The following JAKMIP1 variants were observed in gnomAD, a reference collection of about 807,000 sequenced individuals.
JAKMIP1 encodes the protein janus kinase and microtubule-interacting protein 1.
A neutral mutation model predicts 113.0 loss-of-function variants in JAKMIP1; 33 were observed. That is an observed-to-expected ratio of 0.29 (90% CI 0.22 to 0.39). The LOEUF (loss-of-function observed/expected upper bound fraction) is 0.39. Ranked by LOEUF, JAKMIP1 falls within the 10% of genes least tolerant of loss-of-function variation. The pLI is 1.00. For missense variants in JAKMIP1, 813 were observed against 1,080.5 expected, an observed-to-expected ratio of 0.75 and a Z score of 3.47; for synonymous variants, 480 against 459.9, an observed-to-expected ratio of 1.04 and a Z score of -0.56.
chr4:6,142,900 C>G lies in JAKMIP1; in HGVS notation c.-147-29903G>C, dbSNP rs1406198607. Among the ~76,000 whole-genome samples the G allele has an allele frequency of 6.6e-6, 1 of 152,182 alleles. No homozygotes were observed. Among genetic ancestry groups the G allele is most frequent in the Non-Finnish European group, 1.5e-5 (1 of 68,040 alleles). On this transcript the variant is annotated intron_variant, in intron 1 of 20. Transcript: ENST00000409021. This position sits in a 1 kb window ranked among gnomAD's most constrained non-coding sequence, Gnocchi z 5.5. ...GGGACATGGCCGGCAATGACAAAGCCCAGCCTGGAGTCCTGAGGCCCCTCA... is the reference window on the plus strand; with the variant it reads ...GGGACATGGCCGGCAATGACAAAGCGCAGCCTGGAGTCCTGAGGCCCCTCA...
chr4:6,170,365 CTCTATCACCACCATCACCACCACCACT>C (rs1367073335), intron 1 of JAKMIP1, among the ~76,000 whole-genome samples: 1 of 149,136 alleles, frequency 6.7e-6, no homozygotes, highest in Non-Finnish European at 1.5e-5. Context: ...CCACCACCAC[CTCTATCACCACCATCACCACCACCACT>C]ACCTCTATCA....
chr4:6,054,514 C>G (rs1236788862), intron 12 of JAKMIP1, among the ~76,000 whole-genome samples: 3 of 152,206 alleles, frequency 2.0e-5, no homozygotes, highest in African/African-American at 7.2e-5. Context: ...GTGCCACACC[C>G]AAAGCCTGTC....
At chr4:6,078,629 T>C (rs1262783155) in intron 8 of JAKMIP1, among the ~76,000 whole-genome samples, 1 of 152,198 alleles carries the variant, frequency 6.6e-6, no homozygotes, top group Non-Finnish European at 1.5e-5. Context: ...CAACCCTGAA[T>C]GTCCCTTAAA....
At position 6,140,858 on chromosome 4, in the gene JAKMIP1, T is replaced by A. The variant is rs1720039738; in HGVS notation, c.-147-27861A>T. Among the ~76,000 whole-genome samples the A allele has an allele frequency of 6.6e-6, 1 of 152,154 alleles. No individual in the cohort carries two copies. Among genetic ancestry groups the A allele is most frequent in the African/African-American group, 2.4e-5 (1 of 41,422 alleles). ...GTCAGCCACAGGCACTGGTTGGAGC[T>A]CATCTGTCCTCAGCACAGTGCCTGG... On this transcript the variant is annotated intron_variant, in intron 1 of 20. Coordinates refer to ENST00000409021, the MANE Select transcript of JAKMIP1 (RefSeq NM_001099433.2). This position sits in a 1 kb window ranked among gnomAD's most constrained non-coding sequence, Gnocchi z 9.4.
In JAKMIP1 at chr4:6,035,888, C is replaced by T. The variant is rs143216468; in HGVS notation, c.2379+16G>A. 1,373 of 1,541,894 alleles carry T rather than the reference C, an allele frequency of 8.9e-4. 1 individual carries two copies. The highest frequency in any genetic ancestry group is 2.2e-3 in the Middle Eastern group (11 of 5,094). ...GGTGCCGGGGTGCTGTGGGCACAGC[C>T]GCTGTTGCCGCCTACCTGCTGGGCC... is the stretch of plus-strand genomic sequence containing the variant. On this transcript the variant is annotated intron_variant, in intron 19 of 20. Transcript: ENST00000409021.
At chr4:6,054,179 A>G (rs988340884) in intron 12 of JAKMIP1, 31 bp from the exon 13 acceptor site, 1 of 1,612,526 alleles carries the variant, frequency 6.2e-7, no homozygotes, top group African/African-American at 1.3e-5. Context: ...GATTAACAGG[A>G]TGGGTGGGAG....
At chr4:6,063,393 C>T (rs1403503806) in intron 9 of JAKMIP1, among the ~76,000 whole-genome samples, 1 of 152,204 alleles carries the variant, frequency 6.6e-6, no homozygotes, top group Non-Finnish European at 1.5e-5. Context: ...TTAAGTTAAA[C>T]ATAAAAGGCC....
chr4:6,198,602 CAGAGATGTTCAGCATTACAGA>C (rs1728096557), intron 1 of JAKMIP1, among the ~76,000 whole-genome samples: 1 of 152,166 alleles, frequency 6.6e-6, no homozygotes, highest in South Asian at 2.1e-4. Context: ...GACTCCAGAG[CAGAGATGTTCAGCATTACAGA>C]CCGGTACACA....
At position 6,192,114 on chromosome 4, in the gene JAKMIP1, G is replaced by A. The variant is rs1727340833; in HGVS notation, c.-148+8139C>T. 6.6e-6 allele frequency among the ~76,000 whole-genome samples: 1 copy of A among 151,808 alleles called. No homozygotes were observed. Among genetic ancestry groups the A allele is most frequent in the Middle Eastern group, 3.4e-3 (1 of 290 alleles). On this transcript the variant is annotated intron_variant, in intron 1 of 20. Coordinates refer to ENST00000409021, the MANE Select transcript of JAKMIP1 (RefSeq NM_001099433.2). This position sits in a 1 kb window ranked among gnomAD's most constrained non-coding sequence, Gnocchi z 5.0. ...TGCCCAGCTAATTTTTGTATTTTCA[G>A]TAGAGATGGGGTTTCACCATGTTGG...
chr4:6,056,846 A>G, intron 11 of JAKMIP1, 87 bp from the exon 12 acceptor site: 1 of 894,274 alleles, frequency 1.1e-6, no homozygotes, highest in Non-Finnish European at 1.9e-6. Context: ...GTCACTTTCT[A>G]TGAAACTGAC....
Position 6,080,865 on chromosome 4 carries a change from T to C in JAKMIP1, c.1102-553A>G, listed in dbSNP as rs548213284. ...GCCAAGCCCAAGGTGGGGCTGACCA[T>C]GCACACTGCTGACAGGAAGGGATGC... On this transcript the variant is annotated intron_variant, in intron 6 of 20. Transcript: ENST00000409021. The surrounding 1 kb of genome is among the most constrained non-coding windows in gnomAD (Gnocchi z 6.0). 6.7e-4 allele frequency among the ~76,000 whole-genome samples: 102 copies of C among 152,144 alleles called. No homozygotes were observed. Among genetic ancestry groups the C allele is most frequent in the African/African-American group, 2.4e-3 (99 of 41,480 alleles).
chr4:6,048,727 T>A (rs994275970), intron 16 of JAKMIP1, 130 bp downstream of exon 16: 1 of 711,658 alleles, frequency 1.4e-6, no homozygotes, highest in African/African-American at 1.8e-5. Flanking sequence ...AAGGCATGCA[T>A]GTGCACGTGC....
intron 3 of JAKMIP1, among the ~76,000 whole-genome samples, chr4:6,101,050 C>T (rs1712935556): frequency 6.6e-6 from 1 of 152,070 alleles, no homozygotes; most frequent in Non-Finnish European, 1.5e-5. Context: ...TATTTCATGT[C>T]CAATGTACAA....
chr4:6,055,007 T>C (rs945810361), intron 12 of JAKMIP1, among the ~76,000 whole-genome samples: 2 of 151,704 alleles, frequency 1.3e-5, no homozygotes, highest in African/African-American at 4.9e-5. Flanking sequence ...CTGGGGTTGC[T>C]CGCTGTCCCA....
At chr4:6,172,721 T>C (rs1276203804) in intron 1 of JAKMIP1, among the ~76,000 whole-genome samples, 1 of 152,202 alleles carries the variant, frequency 6.6e-6, no homozygotes, top group Non-Finnish European at 1.5e-5. Flanking sequence ...GGATGTTTGA[T>C]TGAGAAAACT....
chr4:6,195,771 G>A (rs539893486), intron 1 of JAKMIP1, among the ~76,000 whole-genome samples: 2 of 152,194 alleles, frequency 1.3e-5, no homozygotes, highest in African/African-American at 4.8e-5. Context: ...ACAGACCAGC[G>A]GGAGGCAAAC....
chr4:6,048,584 T>C (rs149305117), intron 16 of JAKMIP1, among the ~76,000 whole-genome samples: 16 of 152,364 alleles, frequency 1.1e-4, no homozygotes, highest in African/African-American at 3.4e-4. Flanking sequence ...TTAAAAACAA[T>C]GGACGCAGGG....
intron 1 of JAKMIP1, among the ~76,000 whole-genome samples, chr4:6,160,323 T>C (rs1257429682): frequency 6.6e-6 from 1 of 152,210 alleles, no homozygotes; most frequent in Admixed American, 6.5e-5. Context: ...CTTTCCTCTA[T>C]ACCAGCAACA....
At chr4:6,063,909 G>A (rs887306517) in intron 9 of JAKMIP1, among the ~76,000 whole-genome samples, 3 of 152,212 alleles carry the variant, frequency 2.0e-5, no homozygotes, top group Non-Finnish European at 1.5e-5. Flanking sequence ...GCACAGCAAG[G>A]GGAGCTTGTG....
Sources: allele counts gnomAD v4.1 joint callset (sites outside exome capture counted in the v4.1 genomes callset), GRCh38; gene constraint gnomAD v4.1.1; non-coding constraint Gnocchi (gnomAD v3.1); transcripts MANE v1.5; gene names NCBI Gene and HGNC (gene_info 2026-07-23, HGNC 2026-07-21).